SLC38A8: variants seen among roughly 807,000 people sequenced by gnomAD.
SLC38A8 encodes the protein amino acid transporter SLC38A8.
In SLC38A8, 65 loss-of-function variants were observed where a neutral mutation model predicts 46.0. The observed-to-expected ratio is 1.41, with a 90% CI of 1.16 to 1.74. The LOEUF is 1.74. Ranked by LOEUF, SLC38A8 falls within the 40% of genes most tolerant of loss-of-function variation. The pLI, the probability that SLC38A8 is intolerant of heterozygous loss-of-function variation, is 0.00. For missense variants in SLC38A8, 998 were observed against 567.9 expected (o/e 1.76, Z -7.70); for synonymous variants, 447 against 243.7 (o/e 1.83, Z -7.77).
intron 6 of SLC38A8, among the ~76,000 whole-genome samples, chr16:84,024,378 T>C (rs1597261822): frequency 1.3e-5 from 2 of 152,208 alleles, no homozygotes; most frequent in South Asian, 4.1e-4. Flanking sequence ...GACTTCTTAC[T>C]ACATTGCCCA....
At chr16:84,043,077 C>T (rs753458363), upstream of SLC38A8, among the ~76,000 whole-genome samples, 6 of 152,300 alleles carry the variant, frequency 3.9e-5, no homozygotes, top group East Asian at 3.9e-4. Flanking sequence ...CAGGCTCCAC[C>T]GTCCGCAGGT....
intron 7 of SLC38A8, among the ~76,000 whole-genome samples, chr16:84,019,941 G>T (rs1380162098): frequency 3.3e-5 from 5 of 152,218 alleles, no homozygotes; most frequent in Admixed American, 3.3e-4. Flanking sequence ...CACTCCTACG[G>T]CTTTGCCGGG....
chr16:84,035,895 A>G (rs1244730872), intron 3 of SLC38A8, among the ~76,000 whole-genome samples: 1 of 152,236 alleles, frequency 6.6e-6, no homozygotes, highest in East Asian at 1.9e-4. Context: ...CTAAAGATTA[A>G]TATGGTTGCA....
chr16:84,024,570 C>G (rs1245432880), intron 6 of SLC38A8, among the ~76,000 whole-genome samples: 2 of 151,850 alleles, frequency 1.3e-5, no homozygotes, highest in Non-Finnish European at 2.9e-5. Context: ...CACCTGAGGT[C>G]TGGAGTTCGA....
rs2085025064 is a variant in SLC38A8 at position 84,016,385 on chromosome 16, A to T, written c.1162+134T>A. The T allele has an allele frequency of 1.9e-5, 18 of 958,212 alleles. 1 individual carries two copies. In the Admixed American group the frequency reaches 2.3e-4, roughly 12 times the overall value. The allele number at this position is 958,212 out of a possible 1,614,324, so 59.4% of individuals were successfully genotyped here. ...CTGTGCCTGGCTCAATAAAAAGGGC[A>T]CCTACATGGGGTCTTAATCCTACCC... On this transcript the variant is annotated intron_variant, in intron 9 of 10. Coordinates refer to ENST00000299709, the MANE Select transcript of SLC38A8 (RefSeq NM_001080442.3).
chr16:84,038,881 T>G (rs1353840415), intron 2 of SLC38A8, among the ~76,000 whole-genome samples: 1 of 152,222 alleles, frequency 6.6e-6, no homozygotes, highest in Non-Finnish European at 1.5e-5. Flanking sequence ...TCTGAATAGA[T>G]CACAATTAGC....
At chr16:84,036,270 T>C (rs2085298227) in intron 3 of SLC38A8, among the ~76,000 whole-genome samples, 1 of 152,196 alleles carries the variant, frequency 6.6e-6, no homozygotes, top group Non-Finnish European at 1.5e-5. Flanking sequence ...AAATAGGACA[T>C]ATGAAAATTG....
chr16:84,012,062 C>G (rs932633417), intron 10 of SLC38A8, among the ~76,000 whole-genome samples: 5 of 152,192 alleles, frequency 3.3e-5, no homozygotes, highest in Non-Finnish European at 5.9e-5. Context: ...TGATTTCACA[C>G]TCCTGGCTCC....
chr16:84,036,331 C>A (rs35009646), intron 3 of SLC38A8, among the ~76,000 whole-genome samples: 2 of 151,994 alleles, frequency 1.3e-5, no homozygotes, highest in East Asian at 1.9e-4. Flanking sequence ...GTCGGGAACT[C>A]GAGGCCAAGG....
At chr16:84,021,079 G>A (rs1395187004) in intron 7 of SLC38A8, among the ~76,000 whole-genome samples, 2 of 151,992 alleles carry the variant, frequency 1.3e-5, no homozygotes, top group African/African-American at 2.4e-5. Flanking sequence ...GCAGGGGAGG[G>A]ATGACAGAGT....
rs2084974039 is a variant in SLC38A8 at position 84,013,122 on chromosome 16, A to G, written c.1163-70T>C. 3 of 1,585,610 alleles carry G rather than the reference A, an allele frequency of 1.9e-6. No homozygotes were observed. In the East Asian group the frequency reaches 6.7e-5, roughly 35 times the overall value. Reference sequence around the variant, plus strand: ...CAAAGCAACAAAAAGGTCCCGGGAGAGGTCCTCAGGGACCCAGGAGGCCAG... The same window carrying G: ...CAAAGCAACAAAAAGGTCCCGGGAGGGGTCCTCAGGGACCCAGGAGGCCAG... On this transcript the variant is annotated intron_variant, in intron 9 of 10. Coordinates refer to ENST00000299709, the MANE Select transcript of SLC38A8 (RefSeq NM_001080442.3).
intron 2 of SLC38A8, 31 bp from the exon 3 acceptor site, chr16:84,036,931 G>C (rs1437066628): frequency 2.5e-6 from 4 of 1,579,544 alleles, no homozygotes; most frequent in Admixed American, 1.8e-5. Flanking sequence ...CTGGAACTGG[G>C]GTGTGCCCAC....
At chr16:84,015,521 T>A (rs1010835667) in intron 9 of SLC38A8, among the ~76,000 whole-genome samples, 1 of 152,060 alleles carries the variant, frequency 6.6e-6, no homozygotes, top group Non-Finnish European at 1.5e-5. Flanking sequence ...AGCGGTAGCA[T>A]GGACAGAGCT....
At chr16:84,020,820 A>G (rs776817049) in intron 7 of SLC38A8, among the ~76,000 whole-genome samples, 1 of 151,890 alleles carries the variant, frequency 6.6e-6, no homozygotes, top group Non-Finnish European at 1.5e-5. Context: ...CTCCATATTA[A>G]TCTCCTTAGC....
intron 6 of SLC38A8, among the ~76,000 whole-genome samples, chr16:84,027,405 G>C (rs2085177637): frequency 6.6e-6 from 1 of 152,102 alleles, no homozygotes; most frequent in African/African-American, 2.4e-5. Context: ...TAGAAGTCCT[G>C]GTGTAGCCGC....
intron 2 of SLC38A8, 70 bp downstream of exon 2, chr16:84,041,899 G>C (rs1238004544): frequency 1.4e-6 from 2 of 1,411,672 alleles, no homozygotes; most frequent in Non-Finnish European, 1.9e-6. Context: ...GAAGCAATGC[G>C]AGGAACCCCA....
chr16:84,040,147 T>C (rs2085352121), intron 2 of SLC38A8: 1 of 152,182 alleles, frequency 6.6e-6, no homozygotes, highest in South Asian at 2.1e-4. Flanking sequence ...ACCAGCTAAG[T>C]GGAGGATAGC....
chr16:84,041,568 C>A (rs1328662851), intron 2 of SLC38A8, among the ~76,000 whole-genome samples: 1 of 152,222 alleles, frequency 6.6e-6, no homozygotes, highest in Non-Finnish European at 1.5e-5. Context: ...CCACCTTGGC[C>A]TCCCAAAGGG....
intron 6 of SLC38A8, among the ~76,000 whole-genome samples, chr16:84,029,162 G>C (rs756936430): frequency 6.6e-6 from 1 of 152,176 alleles, no homozygotes; most frequent in Non-Finnish European, 1.5e-5. Context: ...TCTGACTGCA[G>C]TCCTGTGGGG....
Sources: gnomAD v4.1 joint callset for allele counts (sites outside exome capture counted in the v4.1 genomes callset) on GRCh38, gnomAD v4.1.1 for gene constraint, MANE v1.5 for transcripts, NCBI Gene and HGNC (gene_info 2026-07-23, HGNC 2026-07-21) for gene names.